Variants in MAN1A2 observed in about 807,000 individuals in gnomAD.
MAN1A2 encodes the protein mannosyl-oligosaccharide 1,2-alpha-mannosidase IB.
Under a neutral mutation model 75.7 loss-of-function variants are expected in MAN1A2, and 26 were observed. The observed-to-expected ratio is 0.34, with a 90% CI of 0.25 to 0.48. The LOEUF (loss-of-function observed/expected upper bound fraction) is 0.48. Ranked by LOEUF, MAN1A2 falls within the 20% of genes least tolerant of loss-of-function variation. The pLI is 0.99. For synonymous variants in MAN1A2, 247 were observed against 264.6 expected (o/e 0.93, Z 0.65); for missense variants, 562 against 775.5 (o/e 0.72, Z 3.27).
At chr1:117,508,712 T>G (rs1373096229) in intron 12 of MAN1A2, among the ~76,000 whole-genome samples, 1 of 151,650 alleles carries the variant, frequency 6.6e-6, no homozygotes, top group Non-Finnish European at 1.5e-5. Context: ...GCCAAAACAA[T>G]TGCATTTTTA....
rs1039361721 is a variant in MAN1A2, at chr1:117,523,178, C to G, written c.*221C>G. On this transcript the variant is annotated 3_prime_UTR_variant, in exon 13 of 13. Coordinates refer to ENST00000356554, the MANE Select transcript of MAN1A2 (RefSeq NM_006699.5). ...GTTCTGATATGTGTAGGACAGAGAC[C>G]TGGATGTGCTTTGATCGTTAATGAG... is the stretch of plus-strand genomic sequence containing the variant. 4.5e-6 allele frequency: 3 copies of G among 661,200 alleles called. No homozygotes were observed. Among genetic ancestry groups the G allele is most frequent in the Non-Finnish European group, 8.6e-6 (3 of 350,160 alleles). The allele number at this position is 661,200 out of a possible 1,614,324, so 41.0% of individuals were successfully genotyped here.
intron 6 of MAN1A2, among the ~76,000 whole-genome samples, chr1:117,457,122 A>G (rs1649630207): frequency 6.6e-6 from 1 of 152,142 alleles, no homozygotes; most frequent in South Asian, 2.1e-4. Flanking sequence ...ACCAAAATAT[A>G]GAAGACTCAT....
chr1:117,442,402 C>A, intron 6 of MAN1A2, 77 bp downstream of exon 6: 1 of 895,864 alleles, frequency 1.1e-6, no homozygotes, highest in South Asian at 1.5e-5. Context: ...AATGAGTCAC[C>A]CCCACATTTT....
chr1:117,527,727 C>T lies in MAN1A2; in HGVS notation c.*4770C>T, dbSNP rs988393427. 6.6e-6 allele frequency: 1 copy of T among 152,048 alleles called. No individual in the cohort carries two copies. The highest frequency in any genetic ancestry group is 1.5e-5 in the Non-Finnish European group (1 of 67,966). The allele number at this position is 152,048 out of a possible 1,614,324, so 9.4% of individuals were successfully genotyped here. On this transcript the variant is annotated 3_prime_UTR_variant, in exon 13 of 13. Transcript: ENST00000356554. ...AATATACTCTCCAAGTTCTCCTGCT[C>T]ATTGACCCTTGAACCAGGATTCTGG...
rs1649108904 is a variant in MAN1A2 at position 117,443,382 on chromosome 1, G to A, written c.950+1057G>A. 2.0e-5 allele frequency among the ~76,000 whole-genome samples: 3 copies of A among 152,146 alleles called. No individual in the cohort carries two copies. The East Asian group carries it at 5.8e-4, about 29-fold the overall frequency. On this transcript the variant is annotated intron_variant, in intron 6 of 12. Transcript: ENST00000356554. The stretch of plus-strand genomic sequence containing the variant: ...GGAAAAAGCTGGCTGAAGTTCCAGA[G>A]CAAGCTCCATGGAAGGATATGGCCA...
intron 8 of MAN1A2, among the ~76,000 whole-genome samples, chr1:117,467,289 T>C (rs1394802074): frequency 1.3e-5 from 2 of 151,924 alleles, no homozygotes; most frequent in African/African-American, 4.8e-5. Flanking sequence ...AAATCTTAAG[T>C]AGTAAATAAG....
At chr1:117,463,162 G>C (rs975900787) in intron 7 of MAN1A2, among the ~76,000 whole-genome samples, 20 of 150,822 alleles carry the variant, frequency 1.3e-4, no homozygotes, top group Non-Finnish European at 2.8e-4. Context: ...AAATATTAAA[G>C]ACAGTACAAA....
intron 6 of MAN1A2, among the ~76,000 whole-genome samples, chr1:117,457,072 A>G (rs1649603434): frequency 6.6e-6 from 1 of 152,112 alleles, no homozygotes; most frequent in Non-Finnish European, 1.5e-5. Flanking sequence ...CTTTCAATAC[A>G]TTGATTAAAT....
At chr1:117,466,463 A>G in intron 8 of MAN1A2, 36 bp downstream of exon 8, 1 of 1,366,628 alleles carries the variant, frequency 7.3e-7, no homozygotes, top group Non-Finnish European at 1.0e-6. Flanking sequence ...TTTCTTAAAA[A>G]ATTATTTGTC....
intron 1 of MAN1A2, among the ~76,000 whole-genome samples, chr1:117,389,726 G>A (rs1415144729): frequency 6.8e-6 from 1 of 148,076 alleles, no homozygotes; most frequent in Non-Finnish European, 1.5e-5. Context: ...TTTTTTTTGT[G>A]TGTGTCTGAT....
intron 1 of MAN1A2, among the ~76,000 whole-genome samples, chr1:117,377,587 A>G (rs1043832685): frequency 3.9e-5 from 6 of 152,224 alleles, no homozygotes; most frequent in African/African-American, 1.4e-4. Context: ...TGAAGCTATA[A>G]CATGACATAT....
At position 117,523,447 on chromosome 1, in the gene MAN1A2, A is replaced by G. The variant is rs771909498; in HGVS notation, c.*490A>G. 3.1e-6 allele frequency: 1 copy of G among 322,942 alleles called. No individual in the cohort carries two copies. The highest frequency in any genetic ancestry group is 6.2e-6 in the Non-Finnish European group (1 of 162,358). The allele number at this position is 322,942 out of a possible 1,614,324, so 20.0% of individuals were successfully genotyped here. On this transcript the variant is annotated 3_prime_UTR_variant, in exon 13 of 13. Coordinates refer to ENST00000356554, the MANE Select transcript of MAN1A2 (RefSeq NM_006699.5). Reference sequence around the variant, plus strand: ...ATGGAATGAACTAAAATAAACAAGAACAAAAGAATAGTATAATTATATCAG... The same window carrying G: ...ATGGAATGAACTAAAATAAACAAGAGCAAAAGAATAGTATAATTATATCAG...
At chr1:117,423,279 A>G (rs1648256866) in intron 5 of MAN1A2, among the ~76,000 whole-genome samples, 1 of 152,162 alleles carries the variant, frequency 6.6e-6, no homozygotes. Context: ...TGTATTCATT[A>G]TTATGGCTTT....
At chr1:117,464,407 G>C (rs982307056) in intron 7 of MAN1A2, among the ~76,000 whole-genome samples, 5 of 150,052 alleles carry the variant, frequency 3.3e-5, no homozygotes, top group African/African-American at 1.2e-4. Flanking sequence ...CAAAATTAAG[G>C]GATACTTGAT....
intron 1 of MAN1A2, among the ~76,000 whole-genome samples, chr1:117,370,430 T>C (rs1232890895): frequency 6.6e-6 from 1 of 152,230 alleles, no homozygotes; most frequent in Non-Finnish European, 1.5e-5. Flanking sequence ...CCTTGTGTTA[T>C]CTCTTTGTAT....
At chr1:117,460,929 G>C (rs1649797624) in intron 7 of MAN1A2, among the ~76,000 whole-genome samples, 1 of 152,104 alleles carries the variant, frequency 6.6e-6, no homozygotes, top group Non-Finnish European at 1.5e-5. Context: ...AGATGTTTAG[G>C]AATTGAAAAG....
chr1:117,520,725 G>T (rs1172593614), intron 12 of MAN1A2, among the ~76,000 whole-genome samples: 3 of 152,010 alleles, frequency 2.0e-5, no homozygotes, highest in Non-Finnish European at 2.9e-5. Flanking sequence ...AATGAATATT[G>T]TGAAAATGAC....
At chr1:117,456,196 A>G (rs1649575647) in intron 6 of MAN1A2, among the ~76,000 whole-genome samples, 1 of 152,124 alleles carries the variant, frequency 6.6e-6, no homozygotes, top group Non-Finnish European at 1.5e-5. Flanking sequence ...GTACAGGTTG[A>G]ACGTTCAAGA....
At position 117,443,786 on chromosome 1, in the gene MAN1A2, T is replaced by A. The variant is rs1465870454; in HGVS notation, c.950+1461T>A. Among the ~76,000 whole-genome samples, 3 of 152,264 alleles carry A rather than the reference T, an allele frequency of 2.0e-5. No homozygotes were observed. The East Asian group carries it at 5.8e-4, about 29-fold the overall frequency. On this transcript the variant is annotated intron_variant, in intron 6 of 12. Coordinates refer to ENST00000356554, the MANE Select transcript of MAN1A2 (RefSeq NM_006699.5). ...CCTATTTAAAACTTTTTAAGTAAAT[T>A]TTTTGCAGAGAAGGGATCTTATTTT...
Sources: allele counts gnomAD v4.1 joint callset (sites outside exome capture counted in the v4.1 genomes callset), GRCh38; gene constraint gnomAD v4.1.1; transcripts MANE v1.5; gene names NCBI Gene and HGNC (gene_info 2026-07-23, HGNC 2026-07-21).